Variants in ZC2HC1A observed in about 807,000 individuals in gnomAD.
The protein encoded by ZC2HC1A is zinc finger C2HC-type containing 1A.
In ZC2HC1A, 28 loss-of-function variants were observed where a neutral mutation model predicts 40.7. The ratio of observed to expected loss-of-function variants is 0.69; its 90% CI spans 0.51 to 0.94. ZC2HC1A has a LOEUF of 0.94. Ranked by LOEUF, ZC2HC1A falls within the 40% of genes least tolerant of loss-of-function variation. ZC2HC1A has a pLI of 0.00. For missense variants in ZC2HC1A, 389 were observed against 386.3 expected (o/e 1.01, Z -0.06); for synonymous variants, 129 against 129.2 (o/e 1.00, Z 0.01).
rs144784789 is a variant in ZC2HC1A, at chr8:78,666,929, G to A, written c.16+765G>A. 8.5e-4 allele frequency among the ~76,000 whole-genome samples: 130 copies of A among 152,220 alleles called. 1 individual carries two copies. In the East Asian group the frequency reaches 0.024, roughly 28 times the overall value. ...ATGAAAGCATTCACCTAAAAACAAAGGAAGGACAAAAACCACAATAACTAG... is the reference window on the plus strand; with the variant it reads ...ATGAAAGCATTCACCTAAAAACAAAAGAAGGACAAAAACCACAATAACTAG... On this transcript the variant is annotated intron_variant, in intron 1 of 8. Transcript: ENST00000263849.
At chr8:78,673,289 C>A (rs1198862775) in intron 1 of ZC2HC1A, among the ~76,000 whole-genome samples, 1 of 152,100 alleles carries the variant, frequency 6.6e-6, no homozygotes, top group Non-Finnish European at 1.5e-5. Flanking sequence ...TAGACATGTG[C>A]CACATTTTGT....
chr8:78,689,398 A>G (rs769378447), intron 5 of ZC2HC1A, 25 bp downstream of exon 5: 22 of 1,535,818 alleles, frequency 1.4e-5, no homozygotes, highest in South Asian at 2.6e-5. Context: ...AATAATTGCT[A>G]TAAACGAGAA....
intron 5 of ZC2HC1A, among the ~76,000 whole-genome samples, chr8:78,695,930 T>C (rs1394978777): frequency 2.0e-5 from 3 of 152,244 alleles, no homozygotes; most frequent in African/African-American, 4.8e-5. Flanking sequence ...GACTTCAAAA[T>C]TGGTTTTAGC....
intron 7 of ZC2HC1A, among the ~76,000 whole-genome samples, chr8:78,713,780 A>G (rs764876394): frequency 1.8e-4 from 27 of 152,220 alleles, no homozygotes; most frequent in Non-Finnish European, 2.5e-4. Flanking sequence ...ACTTAAGTTC[A>G]AGTACTACTC....
At chr8:78,683,150 A>G (rs1809844350) in intron 3 of ZC2HC1A, among the ~76,000 whole-genome samples, 1 of 152,044 alleles carries the variant, frequency 6.6e-6, no homozygotes, top group Non-Finnish European at 1.5e-5. Flanking sequence ...ACACAATGCA[A>G]CCTGTCGGTG....
intron 4 of ZC2HC1A, 68 bp from the exon 5 acceptor site, chr8:78,689,154 C>T: frequency 8.2e-7 from 1 of 1,215,958 alleles, no homozygotes. Context: ...TGCATAGAAA[C>T]TTAAGATTTT....
chr8:78,676,125 TA>T (rs145824687), intron 2 of ZC2HC1A: 6,808 of 193,638 alleles, frequency 0.035, 20 homozygotes, highest in South Asian at 0.059. Context: ...ACAAACAAAA[TA>T]AAAAAAAAAA....
intron 3 of ZC2HC1A, among the ~76,000 whole-genome samples, chr8:78,681,270 T>C (rs1327800262): frequency 6.6e-6 from 1 of 151,978 alleles, no homozygotes; most frequent in Admixed American, 6.6e-5. Context: ...TGCTGAATAG[T>C]AGAAATGAAT....
intron 7 of ZC2HC1A, among the ~76,000 whole-genome samples, chr8:78,699,521 A>C (rs1810534172): frequency 6.6e-6 from 1 of 152,020 alleles, no homozygotes; most frequent in African/African-American, 2.4e-5. Flanking sequence ...TACATAGGTA[A>C]ACTTGTGTCA....
At chr8:78,707,569 T>C (rs1321296183) in intron 7 of ZC2HC1A, among the ~76,000 whole-genome samples, 2 of 152,220 alleles carry the variant, frequency 1.3e-5, no homozygotes, top group Non-Finnish European at 2.9e-5. Flanking sequence ...TTGAGTACAA[T>C]AATTTTGTCA....
intron 8 of ZC2HC1A, among the ~76,000 whole-genome samples, chr8:78,715,565 G>A (rs1304800112): frequency 6.6e-6 from 1 of 152,196 alleles, no homozygotes; most frequent in African/African-American, 2.4e-5. Flanking sequence ...ATGGGAGGAG[G>A]TCAAAATATC....
In ZC2HC1A at chr8:78,682,310, C is replaced by T. The variant is rs573600608; in HGVS notation, c.210+3631C>T. On this transcript the variant is annotated intron_variant, in intron 3 of 8. Transcript: ENST00000263849. ...AATTGGATGCATAGATGTATTAGTC[C>T]ATTTTCCTACTGCTATTAAGAAATA... 2.9e-4 allele frequency among the ~76,000 whole-genome samples: 44 copies of T among 149,388 alleles called. No homozygotes were observed. In the South Asian group the frequency reaches 8.5e-3, roughly 29 times the overall value.
Position 78,689,358 on chromosome 8 carries a change from T to G in ZC2HC1A, c.489T>G (p.Thr163=). The change falls in exon 5 of 9, where the codon ACT becomes ACG. Residue 163 remains threonine (T), a synonymous_variant. Coordinates refer to ENST00000263849, the MANE Select transcript of ZC2HC1A (RefSeq NM_016010.3). ...KFSTDTKGKP[T]SRTQVYKPPA... ...CTACAGATACCAAAGGAAAACCAAC[T>G]TCTCGGACACAGGTGGTAAGTTCAG... 6.3e-7 allele frequency: 1 copy of G among 1,592,322 alleles called. No individual in the cohort carries two copies. The highest frequency in any genetic ancestry group is 8.5e-7 in the Non-Finnish European group (1 of 1,170,542).
chr8:78,698,103 A>T (rs1334786510), intron 6 of ZC2HC1A, among the ~76,000 whole-genome samples: 1 of 152,088 alleles, frequency 6.6e-6, no homozygotes, highest in Non-Finnish European at 1.5e-5. Context: ...CTCTCATTTT[A>T]TGCTAGCTCT....
In ZC2HC1A at chr8:78,698,420, CTTCAGGT is replaced by C; in HGVS notation, c.612_618del (p.Ser205LysfsTer23). On this transcript the variant is annotated frameshift_variant, in exon 7 of 9. Coordinates refer to ENST00000263849, the MANE Select transcript of ZC2HC1A (RefSeq NM_016010.3). LOFTEE classifies it high-confidence loss of function. ...AATGCTTTTTTATTATAAGGTGTTC[CTTCAGGT>C]AAAGTGTCTTCAAGTAGCAGCTCTT... 1 of 1,610,520 alleles carries C rather than the reference CTTCAGGT, an allele frequency of 6.2e-7. No homozygotes were observed. The highest frequency in any genetic ancestry group is 8.5e-7 in the Non-Finnish European group (1 of 1,178,488).
intron 3 of ZC2HC1A, among the ~76,000 whole-genome samples, chr8:78,681,366 ACAT>A (rs1338319553): frequency 6.6e-6 from 1 of 152,192 alleles, no homozygotes; most frequent in Admixed American, 6.5e-5. Flanking sequence ...GAACAGCAGA[ACAT>A]CAGTAGATGA....
rs1811147831 is a variant in ZC2HC1A, at chr8:78,717,585, T to TA, written c.*97dup. Reference sequence around the variant, plus strand: ...AGCACATCCTCTAGTTAGTTTGTGCTAAAAATACTCGAAATACCATTTCCA... The same window carrying TA: ...AGCACATCCTCTAGTTAGTTTGTGCTAAAAAATACTCGAAATACCATTTCCA... On this transcript the variant is annotated 3_prime_UTR_variant, in exon 9 of 9. Coordinates refer to ENST00000263849, the MANE Select transcript of ZC2HC1A (RefSeq NM_016010.3). The TA allele has an allele frequency of 4.2e-5, 57 of 1,363,782 alleles. No homozygotes were observed. Among genetic ancestry groups the TA allele is most frequent in the Non-Finnish European group, 5.3e-5 (54 of 1,011,966 alleles). 84.5% of individuals were successfully genotyped at this position (1,363,782 alleles called of 1,614,324 possible).
Position 78,717,502 on chromosome 8 carries a change from T to TAAA in ZC2HC1A, c.*9_*10insAAA. On this transcript the variant is annotated 3_prime_UTR_variant, in exon 9 of 9. Transcript: ENST00000263849. Reference sequence around the variant, plus strand: ...GAAGAATGATTCTATGAATAGAATCTCAAAAAAAAAAAAAAGCCAAGTTCA... The same window carrying TAAA: ...GAAGAATGATTCTATGAATAGAATCTAAACAAAAAAAAAAAAAAGCCAAGTTCA... 9.4e-6 allele frequency: 12 copies of TAAA among 1,279,734 alleles called. No individual in the cohort carries two copies. The highest frequency in any genetic ancestry group is 3.7e-5 in the Admixed American group (1 of 27,128). The allele number at this position is 1,279,734 out of a possible 1,614,324, so 79.3% of individuals were successfully genotyped here. A position where few individuals can be genotyped will look rare whatever the true frequency, so the allele number is the denominator to read the frequency against.
chr8:78,701,731 C>T (rs148350421), intron 7 of ZC2HC1A, among the ~76,000 whole-genome samples: 41 of 152,284 alleles, frequency 2.7e-4, no homozygotes, highest in African/African-American at 7.2e-4. Flanking sequence ...AAAACCTTTT[C>T]GTCATCTATT....
Sources: gnomAD v4.1 joint callset for allele counts (sites outside exome capture counted in the v4.1 genomes callset) on GRCh38, gnomAD v4.1.1 for gene constraint, MANE v1.5 for transcripts, NCBI Gene and HGNC (gene_info 2026-07-23, HGNC 2026-07-21) for gene names.